Variants in RDX observed in about 807,000 individuals in gnomAD.
RDX encodes the protein radixin, also known as deafness, autosomal recessive 24.
A neutral mutation model predicts 83.7 loss-of-function variants in RDX; 32 were observed. That is an observed-to-expected ratio of 0.38 (90% CI 0.29 to 0.51). The LOEUF (loss-of-function observed/expected upper bound fraction) is 0.51, where lower values mean the gene tolerates loss of function less well. Among genes scored for constraint, RDX ranks in the 20% least tolerant of loss-of-function variants. The pLI is 0.87. For missense variants in RDX, 600 were observed against 689.9 expected (o/e 0.87, Z 1.46); for synonymous variants, 229 against 222.7 (o/e 1.03, Z -0.25).
At chr11:110,250,722 A>T (rs1214810855) in intron 9 of RDX, among the ~76,000 whole-genome samples, 1 of 152,224 alleles carries the variant, frequency 6.6e-6, no homozygotes, top group Non-Finnish European at 1.5e-5. Flanking sequence ...CCTACTGAAA[A>T]ATGGAATAAG....
rs750839939 is a variant in RDX at position 110,231,828 on chromosome 11, T to C, written c.*41A>G. On this transcript the variant is annotated 3_prime_UTR_variant, in exon 14 of 14. Transcript: ENST00000645495. ...GCAAAGGCCTGCTTTTCTCTGTTGG[T>C]GGTTCAGCTTATGAAGAACATATAT... 6.2e-7 allele frequency: 1 copy of C among 1,608,494 alleles called. No individual in the cohort carries two copies. The highest frequency in any genetic ancestry group is 8.5e-7 in the Non-Finnish European group (1 of 1,177,804).
chr11:110,267,382 G>C (rs1259336715), intron 3 of RDX, among the ~76,000 whole-genome samples: 1 of 152,032 alleles, frequency 6.6e-6, no homozygotes, highest in Admixed American at 6.5e-5. Flanking sequence ...GTGTGGTGGT[G>C]CACACCCATA....
chr11:110,193,226 T>C (rs1018525024), intron 15 of RDX, among the ~76,000 whole-genome samples: 22 of 152,226 alleles, frequency 1.4e-4, no homozygotes, highest in Non-Finnish European at 3.2e-4. Flanking sequence ...GCAACATGAA[T>C]GCAGCTGGAG....
intron 11 of RDX, among the ~76,000 whole-genome samples, chr11:110,236,915 C>G (rs763775081): frequency 1.3e-5 from 2 of 151,908 alleles, no homozygotes; most frequent in Admixed American, 1.3e-4. Flanking sequence ...CCACTGTGCC[C>G]GGCCATCATT....
intron 15 of RDX, among the ~76,000 whole-genome samples, chr11:110,199,217 T>C (rs561967373): frequency 1.5e-4 from 23 of 152,296 alleles, no homozygotes; most frequent in Admixed American, 7.8e-4. Context: ...TAGAGAGGGC[T>C]CTTTCTAAAG....
At chr11:110,209,537 G>A (rs1334133805) in intron 14 of RDX, among the ~76,000 whole-genome samples, 1 of 152,186 alleles carries the variant, frequency 6.6e-6, no homozygotes, top group East Asian at 1.9e-4. Flanking sequence ...TGGGGGCAGG[G>A]CACAGACAAA....
intron 5 of RDX, among the ~76,000 whole-genome samples, chr11:110,258,541 G>A (rs1270703567): frequency 6.6e-6 from 1 of 151,970 alleles, no homozygotes. Context: ...AAGTGTCTAG[G>A]ATCCTTAAAT....
At chr11:110,290,452 C>G (rs1448870104) in intron 1 of RDX, among the ~76,000 whole-genome samples, 1 of 151,092 alleles carries the variant, frequency 6.6e-6, no homozygotes, top group African/African-American at 2.4e-5. Context: ...GTCAAGGTCA[C>G]AGTGAGCTAT....
At chr11:110,211,939 G>A (rs1208469762) in intron 14 of RDX, among the ~76,000 whole-genome samples, 1 of 144,612 alleles carries the variant, frequency 6.9e-6, no homozygotes, top group African/African-American at 2.6e-5. Flanking sequence ...AAAAGCAAGA[G>A]CAAACACATT....
At chr11:110,279,974 T>C (rs768759275) in intron 1 of RDX, among the ~76,000 whole-genome samples, 5 of 152,166 alleles carry the variant, frequency 3.3e-5, no homozygotes, top group Non-Finnish European at 4.4e-5. Flanking sequence ...TCAAATAACA[T>C]GTTATAAACA....
intron 1 of RDX, among the ~76,000 whole-genome samples, chr11:110,285,838 G>A (rs941122383): frequency 2.0e-5 from 3 of 149,038 alleles, no homozygotes; most frequent in Non-Finnish European, 4.4e-5. Flanking sequence ...GGAAAACAAA[G>A]AAACCTAGAT....
chr11:110,296,294 G>C lies in RDX; in HGVS notation c.-65+173C>G, dbSNP rs550582905. 2.9e-3 allele frequency among the ~76,000 whole-genome samples: 442 copies of C among 152,122 alleles called. 3 individuals carry two copies. Among genetic ancestry groups the C allele is most frequent in the Middle Eastern group, 0.014 (4 of 292 alleles). On this transcript the variant is annotated intron_variant, in intron 1 of 13. Transcript: ENST00000645495. ...AGCCCCGGGAGGAGCCTGGCCGGCC[G>C]GGCCGTTACCACAGTGGCGCCTCGG...
At chr11:110,239,798 G>A (rs1000840186) in intron 10 of RDX, among the ~76,000 whole-genome samples, 13 of 151,532 alleles carry the variant, frequency 8.6e-5, no homozygotes, top group African/African-American at 2.7e-4. Context: ...ACTTGAACCC[G>A]GGAGGTGGAG....
At position 110,193,902 on chromosome 11, in the gene RDX, C is replaced by T. The variant is rs572715711; in HGVS notation, c.*31+5679G>A. 9.2e-5 allele frequency among the ~76,000 whole-genome samples: 14 copies of T among 152,322 alleles called. No individual in the cohort carries two copies. The East Asian group carries it at 2.1e-3, about 23-fold the overall frequency. ...GATTCTCTCTTACTGCATTATAAAC[C>T]GAAGCAATTGGTAATTTGTCCCATA... On this transcript the variant is annotated intron_variant, in intron 15 of 15. Transcript: ENST00000528498.
intron 14 of RDX, among the ~76,000 whole-genome samples, chr11:110,205,748 A>G (rs1264668925): frequency 6.6e-6 from 1 of 152,242 alleles, no homozygotes; most frequent in Non-Finnish European, 1.5e-5. Flanking sequence ...GTTTAGTGAT[A>G]TGAAGTGTGG....
At chr11:110,268,664 T>A (rs554929517) in intron 3 of RDX, among the ~76,000 whole-genome samples, 11 of 152,258 alleles carry the variant, frequency 7.2e-5, no homozygotes, top group African/African-American at 2.6e-4. Flanking sequence ...TAACTAACTT[T>A]AGACTATTAC....
chr11:110,188,912 C>T (rs1863042959), intron 15 of RDX, among the ~76,000 whole-genome samples: 1 of 152,054 alleles, frequency 6.6e-6, no homozygotes, highest in Non-Finnish European at 1.5e-5. Flanking sequence ...ACATACATGG[C>T]TCACAGACCC....
chr11:110,237,634 C>T lies in RDX; in HGVS notation c.1109G>A (p.Arg370Gln), dbSNP rs1379848461. The change falls in exon 11 of 14, where the codon CGA becomes CAA. Residue 370 changes from arginine (R) to glutamine (Q), a missense_variant. Physicochemically the swap from Arg to Gln is conservative, Grantham distance 43 (BLOSUM62 1). Coordinates refer to ENST00000645495, the MANE Select transcript of RDX (RefSeq NM_002906.4). ...TTCTTGATCCAGTTCTAGAGCTTTT[C>T]GAGTCTGTTCTTCTAGTTCTATGAA... ...KAQKELEEQT[R>Q]KALELDQERK... 2.5e-6 allele frequency: 4 copies of T among 1,613,946 alleles called. No homozygotes were observed. The African/African-American group carries it at 4.0e-5, about 16-fold the overall frequency.
chr11:110,250,705 T>G (rs1000225761), intron 9 of RDX, among the ~76,000 whole-genome samples: 2 of 152,264 alleles, frequency 1.3e-5, no homozygotes, highest in Middle Eastern at 3.4e-3. Context: ...GGGTGGGGAA[T>G]GGTCTTCCTA....
Sources: gnomAD v4.1 joint callset for allele counts (sites outside exome capture counted in the v4.1 genomes callset) on GRCh38, gnomAD v4.1.1 for gene constraint, MANE v1.5 for transcripts, NCBI Gene and HGNC (gene_info 2026-07-23, HGNC 2026-07-21) for gene names.